The following PCBP3 variants were observed in gnomAD, a reference collection of about 807,000 sequenced individuals.
The protein encoded by PCBP3 is poly(rC)-binding protein 3.
A neutral mutation model predicts 52.7 loss-of-function variants in PCBP3; 25 were observed. That is an observed-to-expected ratio of 0.47 (90% CI 0.35 to 0.66). The LOEUF (loss-of-function observed/expected upper bound fraction) is 0.66, where lower values mean the gene tolerates loss of function less well. PCBP3 is among the 30% of genes least tolerant of loss of function. The probability of loss-of-function intolerance (pLI) is 0.01; values close to 1 mark genes in which losing one functional copy is unlikely to be tolerated. For synonymous variants in PCBP3, 162 were observed against 183.0 expected (o/e 0.89, Z 0.93); for missense variants, 391 against 490.3 (o/e 0.80, Z 1.91).
At chr21:45,939,934 C>G (rs1255396706) in intron 16 of PCBP3, 96 bp from the exon 17 acceptor site, 7 of 1,115,226 alleles carry the variant, frequency 6.3e-6, no homozygotes, top group Non-Finnish European at 7.9e-6. Flanking sequence ...CCAAGGCTGG[C>G]GGCCCGTCCC....
At chr21:45,896,903 T>C (rs9982613) in intron 6 of PCBP3, among the ~76,000 whole-genome samples, 2,640 of 26,948 alleles carry the variant, frequency 0.098, 166 homozygotes, top group East Asian at 0.22. Flanking sequence ...ATGCACTGCC[T>C]GGGCCATTGT....
At chr21:45,920,889 G>A (rs374148045) in intron 13 of PCBP3, among the ~76,000 whole-genome samples, 50 of 152,260 alleles carry the variant, frequency 3.3e-4, no homozygotes, top group Non-Finnish European at 4.4e-4. Context: ...TGAATTGCCC[G>A]GTCTAAGGCA....
At chr21:45,743,565 A>G (rs1487788883) in intron 3 of PCBP3, among the ~76,000 whole-genome samples, 1 of 152,144 alleles carries the variant, frequency 6.6e-6, no homozygotes, top group East Asian at 1.9e-4. Flanking sequence ...CCGTTAGGCC[A>G]TAGCTCTTCC....
chr21:45,818,054 G>A (rs891260624), intron 4 of PCBP3, among the ~76,000 whole-genome samples: 11 of 151,928 alleles, frequency 7.2e-5, no homozygotes, highest in Admixed American at 3.9e-4. Context: ...ACAGAGTCTC[G>A]CACTGTCGCC....
At chr21:45,900,096 T>G (rs1384832584) in intron 7 of PCBP3, among the ~76,000 whole-genome samples, 1 of 152,214 alleles carries the variant, frequency 6.6e-6, no homozygotes, top group Non-Finnish European at 1.5e-5. Flanking sequence ...GCCACCTCCC[T>G]GTCTTCATCA....
rs1258849366 is a variant in PCBP3, at chr21:45,820,013, G to C, written c.-125-29948G>C. On this transcript the variant is annotated intron_variant, in intron 4 of 17. Transcript: ENST00000681687. ...CAGTTACTCAGGCCCGCTGGGGAAG[G>C]TGGGGTGAATGTTTGCTCTACACCG... Among the ~76,000 whole-genome samples, 64 of 152,196 alleles carry C rather than the reference G, an allele frequency of 4.2e-4. 1 individual carries two copies. The highest frequency in any genetic ancestry group is 7.3e-5 in the Non-Finnish European group (5 of 68,034).
chr21:45,880,167 G>T lies in PCBP3; in HGVS notation c.11-16041G>T, dbSNP rs967706696. Among the ~76,000 whole-genome samples the T allele has an allele frequency of 6.6e-6, 1 of 152,192 alleles. No homozygotes were observed. The highest frequency in any genetic ancestry group is 2.4e-5 in the African/African-American group (1 of 41,446). On this transcript the variant is annotated intron_variant, in intron 5 of 17. Transcript: ENST00000681687. The surrounding 1 kb of genome is among the most constrained non-coding windows in gnomAD (Gnocchi z 5.4). ...TCCTGTCGTGAGTGGTTTTCCTCTGGCCTCTTCTGGGAGCTGGTGGATTTG... is the reference window on the plus strand; with the variant it reads ...TCCTGTCGTGAGTGGTTTTCCTCTGTCCTCTTCTGGGAGCTGGTGGATTTG...
rs1229567969 is a variant in PCBP3, at chr21:45,704,717, C to G, written c.-199-30675C>G. Among the ~76,000 whole-genome samples the G allele has an allele frequency of 6.6e-6, 1 of 152,178 alleles. No homozygotes were observed. The highest frequency in any genetic ancestry group is 1.9e-4 in the East Asian group (1 of 5,198). On this transcript the variant is annotated intron_variant, in intron 2 of 17. Transcript: ENST00000681687. The surrounding 1 kb of genome is among the most constrained non-coding windows in gnomAD (Gnocchi z 4.1). ...GATGCCTTGTCCATAGCTTCCTGAC[C>G]TCTGGAAGAACAGAAGTTGCTGCTG...
chr21:45,841,347 G>A (rs543445611), intron 4 of PCBP3, among the ~76,000 whole-genome samples: 11 of 150,770 alleles, frequency 7.3e-5, no homozygotes, highest in African/African-American at 2.2e-4. Flanking sequence ...TCTTCTTTCT[G>A]TTTTATTCCT....
At chr21:45,768,454 G>A (rs796825235) in intron 4 of PCBP3, among the ~76,000 whole-genome samples, 6 of 152,238 alleles carry the variant, frequency 3.9e-5, no homozygotes, top group South Asian at 2.1e-4. Context: ...GTGGGGCACC[G>A]TCATGGTGTC....
rs9979421 is a variant in PCBP3, at chr21:45,743,106, T to C, written c.-162+7677T>C. On this transcript the variant is annotated intron_variant, in intron 3 of 17. Coordinates refer to ENST00000681687, the MANE Select transcript of PCBP3 (RefSeq NM_001384156.1). ...AGCCTTCAGTTACATTTCATAGCTT[T>C]CTTGCTGTAGGTTTTATCTTTCAAA... Among the ~76,000 whole-genome samples the C allele has an allele frequency of 3.3e-3, 500 of 152,346 alleles. 1 individual carries two copies. The highest frequency in any genetic ancestry group is 0.011 in the African/African-American group (472 of 41,598).
At chr21:45,856,302 A>G in intron 5 of PCBP3, among the ~76,000 whole-genome samples, 1 of 152,232 alleles carries the variant, frequency 6.6e-6, no homozygotes, top group South Asian at 2.1e-4. Context: ...CCCTTCTCTT[A>G]ACCCAGACAC....
chr21:45,730,194 C>T (rs1051566573), intron 2 of PCBP3, among the ~76,000 whole-genome samples: 1 of 151,824 alleles, frequency 6.6e-6, no homozygotes, highest in African/African-American at 2.4e-5. Context: ...ACTGCTTTTA[C>T]TGCCTCCCAC....
chr21:45,907,439 C>T (rs543093549), intron 9 of PCBP3, among the ~76,000 whole-genome samples: 3 of 152,190 alleles, frequency 2.0e-5, no homozygotes, highest in Non-Finnish European at 2.9e-5. Flanking sequence ...TCGAGGTTGT[C>T]GGAAGGGACT....
chr21:45,729,520 A>T (rs1016502373), intron 2 of PCBP3, among the ~76,000 whole-genome samples: 69 of 152,258 alleles, frequency 4.5e-4, no homozygotes, highest in Middle Eastern at 3.4e-3. Context: ...CCAGCGATGT[A>T]TGAGGTTGCC....
chr21:45,707,208 A>C (rs541076736), intron 2 of PCBP3, among the ~76,000 whole-genome samples: 1 of 152,152 alleles, frequency 6.6e-6, no homozygotes, highest in Non-Finnish European at 1.5e-5. Flanking sequence ...TGCACGAGTC[A>C]CCTGGGTTTT....
chr21:45,880,824 G>A lies in PCBP3; in HGVS notation c.11-15384G>A, dbSNP rs1210008162. Among the ~76,000 whole-genome samples the A allele has an allele frequency of 6.6e-6, 1 of 152,208 alleles. No homozygotes were observed. Among genetic ancestry groups the A allele is most frequent in the Non-Finnish European group, 1.5e-5 (1 of 68,030 alleles). On this transcript the variant is annotated intron_variant, in intron 5 of 17. Coordinates refer to ENST00000681687, the MANE Select transcript of PCBP3 (RefSeq NM_001384156.1). This position sits in a 1 kb window ranked among gnomAD's most constrained non-coding sequence, Gnocchi z 5.4. ...GCCACGGAAGCCAGGGAGCCAGCGG[G>A]AGGGCAGGGAGCAGTGACAAACAAG...
chr21:45,766,454 G>C (rs2089334230), intron 4 of PCBP3, among the ~76,000 whole-genome samples: 1 of 152,250 alleles, frequency 6.6e-6, no homozygotes, highest in African/African-American at 2.4e-5. Flanking sequence ...CTGCACCCAT[G>C]TGAGGACACA....
At chr21:45,693,236 GTC>G (rs2082585357) in intron 2 of PCBP3, among the ~76,000 whole-genome samples, 1 of 152,156 alleles carries the variant, frequency 6.6e-6, no homozygotes, top group African/African-American at 2.4e-5. Flanking sequence ...AGGCAAGGAT[GTC>G]TACTCTTGCC....
Sources: allele counts gnomAD v4.1 joint callset (sites outside exome capture counted in the v4.1 genomes callset), GRCh38; gene constraint gnomAD v4.1.1; non-coding constraint Gnocchi (gnomAD v3.1); transcripts MANE v1.5; gene names NCBI Gene and HGNC (gene_info 2026-07-23, HGNC 2026-07-21).